The following CUX1 variants were observed in gnomAD, a reference collection of about 807,000 sequenced individuals.
CUX1 encodes the protein protein CASP.
In CUX1, 31 loss-of-function variants were observed where a neutral mutation model predicts 158.8. The observed-to-expected ratio is 0.20, with a 90% confidence interval of 0.15 to 0.26. CUX1 has a LOEUF of 0.26. CUX1 is among the 10% of genes least tolerant of loss of function. The probability of loss-of-function intolerance (pLI) is 1.00; values close to 1 mark genes in which losing one functional copy is unlikely to be tolerated. For synonymous variants in CUX1, 879 were observed against 862.1 expected (o/e 1.02, Z -0.34); for missense variants, 1,589 against 2,014.6 (o/e 0.79, Z 4.04).
At chr7:101,898,867 AAAGCAT>A (rs777525255) in intron 1 of CUX1, among the ~76,000 whole-genome samples, 2 of 152,178 alleles carry the variant, frequency 1.3e-5, no homozygotes, top group African/African-American at 2.4e-5. Flanking sequence ...CTGGGATTAC[AAAGCAT>A]AAGCCACCGC....
At chr7:101,995,144 G>T (rs75992497) in intron 2 of CUX1, among the ~76,000 whole-genome samples, 1,716 of 152,172 alleles carry the variant, frequency 0.011, 25 homozygotes, top group African/African-American at 0.039. Context: ...AAACCTGGCT[G>T]GGGGTGATTG....
intron 2 of CUX1, among the ~76,000 whole-genome samples, chr7:101,986,291 G>A (rs1814287839): frequency 6.6e-6 from 1 of 152,224 alleles, no homozygotes; most frequent in South Asian, 2.1e-4. Context: ...TAAGAGGAGT[G>A]TGGAATTTAG....
chr7:101,935,569 G>A (rs1250898652), intron 2 of CUX1, among the ~76,000 whole-genome samples: 1 of 152,216 alleles, frequency 6.6e-6, no homozygotes. Flanking sequence ...GCCCAGCTGG[G>A]GAGGTTGGCA....
intron 2 of CUX1, among the ~76,000 whole-genome samples, chr7:102,014,869 A>G (rs890943146): frequency 1.3e-5 from 2 of 151,866 alleles, no homozygotes; most frequent in South Asian, 4.2e-4. Flanking sequence ...AAAAAAAAAA[A>G]AAAAAGAAAA....
chr7:102,120,339 C>T (rs1188268456), intron 8 of CUX1, among the ~76,000 whole-genome samples: 1 of 152,204 alleles, frequency 6.6e-6, no homozygotes, highest in Non-Finnish European at 1.5e-5. Context: ...CCTCCCCACT[C>T]GTGGGCCGAG....
intron 15 of CUX1, among the ~76,000 whole-genome samples, chr7:102,197,764 C>A (rs1794945078): frequency 6.6e-6 from 1 of 152,084 alleles, no homozygotes. Flanking sequence ...CAGATGACAC[C>A]TCCCCTCTTC....
intron 9 of CUX1, among the ~76,000 whole-genome samples, chr7:102,165,645 G>A (rs561761118): frequency 1.3e-5 from 2 of 152,226 alleles, no homozygotes; most frequent in South Asian, 4.1e-4. Context: ...GATTACAGGC[G>A]TGAGCCACAG....
chr7:102,269,671 G>A (rs1187624780), intron 14 of CUX1, among the ~76,000 whole-genome samples: 2 of 144,026 alleles, frequency 1.4e-5, no homozygotes, highest in East Asian at 2.1e-4. Flanking sequence ...TGATCTGCCC[G>A]CCTCGGCCTC....
chr7:102,170,709 C>T (rs985687983), intron 10 of CUX1, among the ~76,000 whole-genome samples, 159 bp downstream of exon 10: 41 of 151,924 alleles, frequency 2.7e-4, no homozygotes, highest in Admixed American at 1.2e-3. Flanking sequence ...AATTGGGGGC[C>T]GGAGCTTGTT....
chr7:102,036,354 C>G (rs1378510753), intron 3 of CUX1, among the ~76,000 whole-genome samples: 1 of 152,070 alleles, frequency 6.6e-6, no homozygotes, highest in Non-Finnish European at 1.5e-5. Context: ...AATACTGAAC[C>G]ACTCCAAGTT....
rs1789662692 is a variant in CUX1 at position 102,254,473 on chromosome 7, T to C, written c.*5431T>C. ...CGTCCACAGTGGCATCACCCTCTTA[T>C]CCCAAAAGAATATGCCAGTTCCCAT... On this transcript the variant is annotated 3_prime_UTR_variant, in exon 24 of 24. Transcript: ENST00000292535. 1 of 985,326 alleles carries C rather than the reference T, an allele frequency of 1.0e-6. No individual in the cohort carries two copies. Among genetic ancestry groups the C allele is most frequent in the Non-Finnish European group, 1.2e-6 (1 of 829,964 alleles). The allele number at this position is 985,326 out of a possible 1,614,324, so 61.0% of individuals were successfully genotyped here. A position where few individuals can be genotyped will look rare whatever the true frequency, so the allele number is the denominator to read the frequency against.
intron 2 of CUX1, among the ~76,000 whole-genome samples, chr7:102,004,131 A>G (rs963622976): frequency 6.6e-6 from 1 of 152,190 alleles, no homozygotes; most frequent in African/African-American, 2.4e-5. Context: ...CAGGTGAGCT[A>G]TCCTCACCCA....
intron 11 of CUX1, among the ~76,000 whole-genome samples, chr7:102,186,179 T>C (rs1019166299): frequency 1.5e-4 from 23 of 152,154 alleles, no homozygotes; most frequent in African/African-American, 4.8e-4. Flanking sequence ...ATTTTCAGCA[T>C]TGGAAGTCAA....
chr7:102,069,555 C>T (rs1825905703), intron 3 of CUX1, among the ~76,000 whole-genome samples: 1 of 152,112 alleles, frequency 6.6e-6, no homozygotes, highest in Non-Finnish European at 1.5e-5. Context: ...TTGAGACCAG[C>T]CTGGCCAACA....
chr7:102,266,125 A>G lies in CUX1; in HGVS notation c.1256-7241A>G, dbSNP rs542313736. 2.0e-5 allele frequency among the ~76,000 whole-genome samples: 3 copies of G among 150,302 alleles called. No homozygotes were observed. The East Asian group carries it at 5.9e-4, about 30-fold the overall frequency. On this transcript the variant is annotated intron_variant, in intron 14 of 22. Coordinates refer to the CUX1 transcript ENST00000292538. ...AGGCTGAGGCAGGAGAATCTCTTGAACCCAAGAGGTGGAGGTTGCAGTGAG... is the reference window on the plus strand; with the variant it reads ...AGGCTGAGGCAGGAGAATCTCTTGAGCCCAAGAGGTGGAGGTTGCAGTGAG...
chr7:102,144,352 C>T (rs1162254378), intron 8 of CUX1, among the ~76,000 whole-genome samples: 3 of 152,014 alleles, frequency 2.0e-5, no homozygotes, highest in Admixed American at 6.6e-5. Context: ...CCGACGTACG[C>T]GTGACCTGGT....
rs869132261 is a variant in CUX1 at position 102,255,798 on chromosome 7, CT to C, written c.*6762del. On this transcript the variant is annotated 3_prime_UTR_variant, in exon 24 of 24. Coordinates refer to ENST00000292535, the MANE Select transcript of CUX1 (RefSeq NM_181552.4). ...ACGGAGCTGCTTTTGTTTTATAATT[CT>C]TTTTTCCCCCCTTTTCCTTCTTCTT... 5.8e-5 allele frequency: 57 copies of C among 985,166 alleles called. No individual in the cohort carries two copies. Among genetic ancestry groups the C allele is most frequent in the African/African-American group, 1.9e-4 (11 of 57,324 alleles). 61.0% of individuals were successfully genotyped at this position (985,166 alleles called of 1,614,324 possible). A position where few individuals can be genotyped will look rare whatever the true frequency, so the allele number is the denominator to read the frequency against.
intron 1 of CUX1, among the ~76,000 whole-genome samples, chr7:101,901,538 A>G (rs892018453): frequency 1.3e-5 from 2 of 152,036 alleles, no homozygotes; most frequent in Non-Finnish European, 1.5e-5. Context: ...CAGGTGATCC[A>G]CCTGCCTCGG....
intron 1 of CUX1, among the ~76,000 whole-genome samples, chr7:101,862,144 GT>G (rs1180835039): frequency 1.3e-5 from 2 of 152,078 alleles, no homozygotes; most frequent in Admixed American, 6.6e-5. Context: ...CACCCCTAAT[GT>G]TTTGATTTAT....
Sources: gnomAD v4.1 joint callset for allele counts (sites outside exome capture counted in the v4.1 genomes callset) on GRCh38, gnomAD v4.1.1 for gene constraint, MANE v1.5 for transcripts, NCBI Gene and HGNC (gene_info 2026-07-23, HGNC 2026-07-21) for gene names.